The following MIB1 variants were observed in gnomAD, a reference collection of about 807,000 sequenced individuals.
MIB1 encodes E3 ubiquitin-protein ligase MIB1.
MIB1 carries 278 observed loss-of-function variants against 124.5 expected under a neutral mutation model. The observed-to-expected ratio is 2.23, with a 90% CI of 2.02 to 2.47. The LOEUF is 2.47. Ranked by LOEUF, MIB1 falls within the 30% of genes most tolerant of loss-of-function variation. The pLI, the probability that MIB1 is intolerant of heterozygous loss-of-function variation, is 0.00. For missense variants in MIB1, 957 were observed against 1,254.4 expected, an observed-to-expected ratio of 0.76 and a Z score of 3.58; for synonymous variants, 446 against 429.4, an observed-to-expected ratio of 1.04 and a Z score of -0.48.
intron 10 of MIB1, among the ~76,000 whole-genome samples, chr18:21,810,273 T>C (rs2041756585): frequency 6.6e-6 from 1 of 152,048 alleles, no homozygotes; most frequent in South Asian, 2.1e-4. Flanking sequence ...ACTTCCCATG[T>C]TCATGGATTA....
At chr18:21,789,215 C>T (rs999740298) in intron 6 of MIB1, among the ~76,000 whole-genome samples, 2 of 151,874 alleles carry the variant, frequency 1.3e-5, no homozygotes, top group Non-Finnish European at 2.9e-5. Flanking sequence ...TCCCAGCAAT[C>T]TTTGTTCCTT....
At chr18:21,767,684 A>G (rs1286830660) in intron 2 of MIB1, among the ~76,000 whole-genome samples, 4 of 152,012 alleles carry the variant, frequency 2.6e-5, no homozygotes, top group Non-Finnish European at 5.9e-5. Flanking sequence ...AGTAGCTGGG[A>G]CTACAGGCGC....
chr18:21,847,075 T>G lies in MIB1; in HGVS notation c.2343T>G (p.Pro781=). 1 of 1,614,216 alleles carries G rather than the reference T, an allele frequency of 6.2e-7. No individual in the cohort carries two copies. The highest frequency in any genetic ancestry group is 8.5e-7 in the Non-Finnish European group (1 of 1,180,016). The change falls in exon 16 of 21, where the codon CCT becomes CCG. Residue 781 remains proline (P), a synonymous_variant. Transcript: ENST00000261537. ...KKGQSPLDLC[P]DPNLCKALAK... ...GTCAATCGCCACTTGATCTCTGTCC[T>G]GATCCGAATCTCTGCAAAGCACTGG...
At chr18:21,767,493 G>A (rs574089604) in intron 2 of MIB1, among the ~76,000 whole-genome samples, 1 of 152,046 alleles carries the variant, frequency 6.6e-6, no homozygotes, top group Non-Finnish European at 1.5e-5. Context: ...AGATTTGGGC[G>A]GGGACACAAC....
chr18:21,809,912 A>C (rs893027743), intron 10 of MIB1, among the ~76,000 whole-genome samples: 2 of 152,132 alleles, frequency 1.3e-5, no homozygotes, highest in Non-Finnish European at 2.9e-5. Flanking sequence ...AGGCAAGAAA[A>C]AGAAAAGACA....
intron 1 of MIB1, among the ~76,000 whole-genome samples, chr18:21,754,946 C>T (rs372290730): frequency 2.4e-4 from 37 of 152,156 alleles, no homozygotes; most frequent in African/African-American, 6.5e-4. Context: ...GGAGGGTCTA[C>T]AGTATTTCTG....
At chr18:21,757,018 A>G (rs1039205843) in intron 1 of MIB1, among the ~76,000 whole-genome samples, 4 of 152,122 alleles carry the variant, frequency 2.6e-5, no homozygotes, top group East Asian at 1.9e-4. Flanking sequence ...ACATTCACAG[A>G]CATTTTCTTT....
At chr18:21,744,097 GTT>G (rs768951212) in intron 1 of MIB1, among the ~76,000 whole-genome samples, 7,001 of 121,010 alleles carry the variant, frequency 0.058, 208 homozygotes, top group Non-Finnish European at 0.087. Context: ...ATTCTTCAGG[GTT>G]TTTTTTTTTT....
chr18:21,835,840 A>ACACACACACAAACACAC (rs1555695330), intron 12 of MIB1, among the ~76,000 whole-genome samples: 2 of 108,056 alleles, frequency 1.9e-5, no homozygotes, highest in African/African-American at 7.2e-5. Context: ...CACACACACA[A>ACACACACACAAACACAC]ACACACACGA....
At chr18:21,734,591 C>T (rs532556760) in intron 1 of MIB1, among the ~76,000 whole-genome samples, 68 of 151,852 alleles carry the variant, frequency 4.5e-4, no homozygotes, top group African/African-American at 1.5e-3. Flanking sequence ...TGCAGTGGCA[C>T]GATCTCAGCT....
chr18:21,747,067 A>G (rs546901219), intron 1 of MIB1, among the ~76,000 whole-genome samples: 4 of 152,230 alleles, frequency 2.6e-5, no homozygotes, highest in East Asian at 1.9e-4. Flanking sequence ...TGAGGGAACA[A>G]TGTTTGGGGA....
chr18:21,834,883 G>T (rs370794882), intron 12 of MIB1, among the ~76,000 whole-genome samples: 11 of 152,176 alleles, frequency 7.2e-5, no homozygotes, highest in African/African-American at 2.4e-4. Flanking sequence ...TTCAACATTG[G>T]TTTATTGAAA....
chr18:21,732,748 CAAGA>C (rs1467512670), intron 1 of MIB1, among the ~76,000 whole-genome samples: 1 of 152,078 alleles, frequency 6.6e-6, no homozygotes, highest in Non-Finnish European at 1.5e-5. Flanking sequence ...AGTTAGGAGA[CAAGA>C]AAAAGCCAAA....
intron 1 of MIB1, among the ~76,000 whole-genome samples, chr18:21,723,897 AG>A (rs1440833922): frequency 6.7e-6 from 1 of 149,702 alleles, no homozygotes; most frequent in Non-Finnish European, 1.5e-5. Context: ...TTTTTTTAAG[AG>A]ATGAGGTCTC....
At chr18:21,860,691 A>G (rs1209091930) in intron 20 of MIB1, among the ~76,000 whole-genome samples, 4 of 152,170 alleles carry the variant, frequency 2.6e-5, no homozygotes, top group Admixed American at 2.6e-4. Context: ...AAAATAACAT[A>G]GTCAGTAGTT....
At chr18:21,815,396 A>G (rs890534370) in intron 10 of MIB1, among the ~76,000 whole-genome samples, 1 of 151,728 alleles carries the variant, frequency 6.6e-6, no homozygotes, top group Non-Finnish European at 1.5e-5. Context: ...TCTTACTCAC[A>G]TTTACAGTTT....
At chr18:21,728,895 A>G (rs1265589810) in intron 1 of MIB1, among the ~76,000 whole-genome samples, 1 of 152,200 alleles carries the variant, frequency 6.6e-6, no homozygotes, top group Non-Finnish European at 1.5e-5. Flanking sequence ...ATAAAACTTG[A>G]GTTTATTCTT....
chr18:21,794,525 CAA>C (rs2041551772), intron 7 of MIB1, among the ~76,000 whole-genome samples: 1 of 150,948 alleles, frequency 6.6e-6, no homozygotes, highest in Non-Finnish European at 1.5e-5. Context: ...TGAAATGAAA[CAA>C]ATATGAAAAT....
intron 10 of MIB1, among the ~76,000 whole-genome samples, chr18:21,806,230 G>T (rs2041704977): frequency 6.6e-6 from 1 of 150,516 alleles, no homozygotes; most frequent in East Asian, 1.9e-4. Flanking sequence ...TTGATACAGG[G>T]TCTTGCTCTG....
Sources: allele counts gnomAD v4.1 joint callset (sites outside exome capture counted in the v4.1 genomes callset), GRCh38; gene constraint gnomAD v4.1.1; transcripts MANE v1.5; gene names NCBI Gene and HGNC (gene_info 2026-07-23, HGNC 2026-07-21).